The following IQCK variants were observed in gnomAD, a reference collection of about 807,000 sequenced individuals.
IQCK encodes IQ motif containing K, also known as IQ domain-containing protein K.
IQCK carries 29 observed loss-of-function variants against 28.1 expected under a neutral mutation model. That is an observed-to-expected ratio of 1.03 (90% CI 0.77 to 1.41). The LOEUF is 1.41. Ranked by LOEUF, IQCK falls within the 40% of genes most tolerant of loss-of-function variation. IQCK has a pLI of 0.00. For synonymous variants in IQCK, 113 were observed against 115.1 expected, an observed-to-expected ratio of 0.98 and a Z score of 0.12; for missense variants, 359 against 314.7, an observed-to-expected ratio of 1.14 and a Z score of -1.07.
rs573635373 is a variant in IQCK at position 19,856,018 on chromosome 16, GA to G, written c.803-468del. On this transcript the variant is annotated intron_variant, in intron 9 of 9. Coordinates refer to the IQCK transcript ENST00000320394. ...TGTTTGGCAGACACAGGAAATCACCGAGATCAGGTTCTTGGTCCAGACCATG... is the reference window on the plus strand; with the variant it reads ...TGTTTGGCAGACACAGGAAATCACCGGATCAGGTTCTTGGTCCAGACCATG... Among the ~76,000 whole-genome samples the G allele has an allele frequency of 9.5e-4, 145 of 152,202 alleles. 1 individual carries two copies. Among genetic ancestry groups the G allele is most frequent in the Middle Eastern group, 3.4e-3 (1 of 294 alleles).
intron 4 of IQCK, chr16:19,736,009 T>C (rs1253672163): frequency 4.7e-6 from 2 of 423,214 alleles, no homozygotes; most frequent in African/African-American, 4.1e-5. Context: ...GAGGTTGCAG[T>C]GATCCATGAT....
At chr16:19,724,755 A>G (rs1185724130) in intron 1 of IQCK, among the ~76,000 whole-genome samples, 1 of 152,004 alleles carries the variant, frequency 6.6e-6, no homozygotes, top group South Asian at 2.1e-4. Flanking sequence ...GATGGTCTCA[A>G]TCTCCTGACC....
At chr16:19,827,459 T>C (rs924434733), downstream of IQCK, among the ~76,000 whole-genome samples, 1 of 152,224 alleles carries the variant, frequency 6.6e-6, no homozygotes, top group African/African-American at 2.4e-5. Flanking sequence ...TGGATAGTTA[T>C]AGTTATTCTT....
chr16:19,820,648 C>CAAAAAAA (rs35161795), intron 7 of IQCK, among the ~76,000 whole-genome samples: 1 of 109,098 alleles, frequency 9.2e-6, no homozygotes, highest in African/African-American at 3.2e-5. Context: ...AACTCTGTAT[C>CAAAAAAA]AAAAAAAAAA....
intron 7 of IQCK, among the ~76,000 whole-genome samples, chr16:19,799,597 TACACACACACACACACACAC>T (rs529119301): frequency 1.4e-4 from 16 of 111,654 alleles, no homozygotes; most frequent in African/African-American, 7.9e-4. Flanking sequence ...TATATATATA[TACACACACACACACACACAC>T]ACACACACAC....
intron 4 of IQCK, among the ~76,000 whole-genome samples, chr16:19,752,549 TTTTC>T (rs1364963327): frequency 6.6e-6 from 1 of 151,954 alleles, no homozygotes; most frequent in Admixed American, 6.6e-5. Flanking sequence ...AAAGGGATTG[TTTTC>T]TTTCTTTCTT....
At chr16:19,810,196 T>TA (rs1408960391) in intron 7 of IQCK, among the ~76,000 whole-genome samples, 1 of 152,118 alleles carries the variant, frequency 6.6e-6, no homozygotes, top group Non-Finnish European at 1.5e-5. Context: ...CGGTTTCCTC[T>TA]TTGAAAATAG....
downstream of IQCK, among the ~76,000 whole-genome samples, chr16:19,829,588 C>T (rs1221709074): frequency 3.3e-5 from 5 of 152,116 alleles, 1 homozygote; most frequent in East Asian, 1.9e-4. Flanking sequence ...CCTCCTTCCT[C>T]GGCCTCCCAA....
chr16:19,733,608 A>C, intron 2 of IQCK, 90 bp from the exon 3 acceptor site: 1 of 1,464,112 alleles, frequency 6.8e-7, no homozygotes, highest in Non-Finnish European at 9.3e-7. Flanking sequence ...AGTCTGATGC[A>C]GAATTTTATT....
chr16:19,816,543 A>T (rs932148024), intron 7 of IQCK, among the ~76,000 whole-genome samples: 1 of 152,240 alleles, frequency 6.6e-6, no homozygotes, highest in Non-Finnish European at 1.5e-5. Context: ...CAGCCTCCCA[A>T]AGTGCTGGGA....
downstream of IQCK, among the ~76,000 whole-genome samples, chr16:19,828,484 C>T (rs906883256): frequency 6.9e-6 from 1 of 145,506 alleles, no homozygotes; most frequent in Non-Finnish European, 1.5e-5. Flanking sequence ...GTGATCTGCC[C>T]GCCTTGGCCT....
intron 7 of IQCK, among the ~76,000 whole-genome samples, chr16:19,797,613 C>CA (rs61289661): frequency 1.3e-3 from 59 of 45,670 alleles, no homozygotes; most frequent in East Asian, 2.3e-3. Flanking sequence ...TGAGGCCTTG[C>CA]AAAAAAAAAA....
chr16:19,824,529 C>T (rs985402353), intron 7 of IQCK, among the ~76,000 whole-genome samples: 2 of 152,212 alleles, frequency 1.3e-5, no homozygotes, highest in Non-Finnish European at 2.9e-5. Context: ...ATAAGGGGAA[C>T]CCCCAAAGTA....
intron 6 of IQCK, among the ~76,000 whole-genome samples, chr16:19,767,625 G>T (rs2055258868): frequency 6.6e-6 from 1 of 152,126 alleles, no homozygotes; most frequent in African/African-American, 2.4e-5. Context: ...TTGGCTGCCT[G>T]GGTGTCTGCC....
chr16:19,773,726 G>GT (rs1398934343), intron 6 of IQCK, among the ~76,000 whole-genome samples: 1 of 152,192 alleles, frequency 6.6e-6, no homozygotes, highest in Non-Finnish European at 1.5e-5. Flanking sequence ...ATGAGCTACG[G>GT]TTTGTTGATT....
At chr16:19,843,446 A>G (rs899807363) in intron 9 of IQCK, among the ~76,000 whole-genome samples, 10 of 152,222 alleles carry the variant, frequency 6.6e-5, no homozygotes, top group African/African-American at 1.9e-4. Context: ...TGGACAGTTC[A>G]TATAAATGGA....
intron 4 of IQCK, among the ~76,000 whole-genome samples, chr16:19,748,278 T>C (rs183751977): frequency 5.9e-5 from 9 of 152,150 alleles, no homozygotes; most frequent in South Asian, 4.2e-4. Context: ...TTTCACCATG[T>C]TGGCCAGGCC....
downstream of IQCK, among the ~76,000 whole-genome samples, chr16:19,831,539 C>T (rs562736691): frequency 4.6e-5 from 7 of 152,152 alleles, no homozygotes; most frequent in East Asian, 1.4e-3. Flanking sequence ...CTCAATTAGA[C>T]CTCAAAGGCT....
chr16:19,830,712 T>A (rs2141097148), downstream of IQCK, among the ~76,000 whole-genome samples: 1 of 152,276 alleles, frequency 6.6e-6, no homozygotes, highest in African/African-American at 2.4e-5. Flanking sequence ...GCCTTTGGAA[T>A]CCTAACTACC....
Sources: allele counts gnomAD v4.1 joint callset (sites outside exome capture counted in the v4.1 genomes callset), GRCh38; gene constraint gnomAD v4.1.1; transcripts MANE v1.5; gene names NCBI Gene and HGNC (gene_info 2026-07-23, HGNC 2026-07-21).